The following RB1 variants were observed in gnomAD, a reference collection of about 807,000 sequenced individuals.
RB1 encodes the protein RB transcriptional corepressor 1, also known as retinoblastoma-associated protein.
In RB1, 18 loss-of-function variants were observed where a neutral mutation model predicts 135.4. The observed-to-expected ratio is 0.13, with a 90% CI of 0.09 to 0.20. The LOEUF is 0.20. Ranked by LOEUF, RB1 falls within the 10% of genes least tolerant of loss-of-function variation. The pLI is 1.00. For missense variants in RB1, 868 were observed against 1,110.0 expected, an observed-to-expected ratio of 0.78 and a Z score of 3.10; for synonymous variants, 365 against 373.2, an observed-to-expected ratio of 0.98 and a Z score of 0.25.
At chr13:48,341,902 A>G (rs189139110) in intron 2 of RB1, among the ~76,000 whole-genome samples, 2 of 152,128 alleles carry the variant, frequency 1.3e-5, no homozygotes, top group African/African-American at 4.8e-5. Context: ...ATGTAATCCA[A>G]AATTACCCAT....
intron 4 of RB1, among the ~76,000 whole-genome samples, chr13:48,346,327 TTTCCTTTG>T (rs1244317887): frequency 6.6e-6 from 1 of 151,668 alleles, no homozygotes; most frequent in Non-Finnish European, 1.5e-5. Flanking sequence ...AGAATGTTTC[TTTCCTTTG>T]GGTATTGTTT....
At chr13:48,318,205 C>T (rs1451956040) in intron 2 of RB1, 5 of 597,816 alleles carry the variant, frequency 8.4e-6, no homozygotes, top group Admixed American at 6.5e-5. Flanking sequence ...CCTGGACCCT[C>T]GCCGCTGTCT....
intron 7 of RB1, among the ~76,000 whole-genome samples, chr13:48,361,314 A>T (rs1041747019): frequency 3.3e-5 from 5 of 152,140 alleles, no homozygotes; most frequent in African/African-American, 9.7e-5. Flanking sequence ...TATTGAACTG[A>T]CTGAATATGG....
intron 11 of RB1, among the ~76,000 whole-genome samples, chr13:48,372,108 T>C (rs1952764721): frequency 6.6e-6 from 1 of 151,988 alleles, no homozygotes; most frequent in African/African-American, 2.4e-5. Context: ...GCCAAAAAGG[T>C]TGGGGACTGC....
chr13:48,378,295 T>G (rs1335735565), intron 13 of RB1, among the ~76,000 whole-genome samples: 5 of 152,200 alleles, frequency 3.3e-5, no homozygotes, highest in Non-Finnish European at 7.4e-5. Flanking sequence ...CTTATACAGC[T>G]GTACAAAAAT....
chr13:48,391,130 ATTG>A, intron 17 of RB1, among the ~76,000 whole-genome samples: 1 of 151,042 alleles, frequency 6.6e-6, no homozygotes, highest in Non-Finnish European at 1.5e-5. Flanking sequence ...TTATTTTGTA[ATTG>A]TTTTTTGATT....
At chr13:48,336,306 A>C (rs1278964266) in intron 2 of RB1, among the ~76,000 whole-genome samples, 2 of 152,154 alleles carry the variant, frequency 1.3e-5, no homozygotes, top group Non-Finnish European at 2.9e-5. Flanking sequence ...CTGTGAATTC[A>C]TCTGCTCCTG....
chr13:48,434,608 T>G (rs1290979584), intron 17 of RB1, among the ~76,000 whole-genome samples: 2 of 152,118 alleles, frequency 1.3e-5, no homozygotes, highest in Middle Eastern at 3.2e-3. Context: ...ACACCAGGCC[T>G]GTAGAGAGAC....
At chr13:48,312,540 C>T (rs1237881623) in intron 2 of RB1, among the ~76,000 whole-genome samples, 1 of 152,186 alleles carries the variant, frequency 6.6e-6, no homozygotes, top group Non-Finnish European at 1.5e-5. Flanking sequence ...TTTACACTAC[C>T]ATTTGCTTTC....
intron 3 of RB1, 25 bp downstream of exon 3, chr13:48,342,739 G>T: frequency 6.8e-7 from 1 of 1,465,724 alleles, no homozygotes; most frequent in Non-Finnish European, 9.6e-7. Context: ...ATAAATATAA[G>T]CCTCTGCCAT....
intron 2 of RB1, among the ~76,000 whole-genome samples, chr13:48,315,394 CTT>C (rs1952173082): frequency 6.6e-6 from 1 of 152,154 alleles, no homozygotes; most frequent in Non-Finnish European, 1.5e-5. Flanking sequence ...TATCCTGAAA[CTT>C]TGCTTATCAG....
intron 3 of RB1, among the ~76,000 whole-genome samples, chr13:48,344,261 A>G (rs1256438737): frequency 6.6e-6 from 1 of 152,232 alleles, no homozygotes; most frequent in East Asian, 1.9e-4. Flanking sequence ...TCCTTTTCCA[A>G]AAATAATTCA....
Position 48,477,412 on chromosome 13 carries a change from C to CT in RB1, c.2713+14dup. On this transcript the variant is annotated intron_variant, in intron 26 of 26. Coordinates refer to ENST00000267163, the MANE Select transcript of RB1 (RefSeq NM_000321.3). ...AGAAACTGGCAGAAATGAGTAAGTA[C>CT]TTTTTTCACCTTGTGTAAATGAAAT... 1 of 1,591,992 alleles carries CT rather than the reference C, an allele frequency of 6.3e-7. No homozygotes were observed. The highest frequency in any genetic ancestry group is 8.6e-7 in the Non-Finnish European group (1 of 1,160,650).
chr13:48,363,769 G>A (rs1952665897), intron 8 of RB1, among the ~76,000 whole-genome samples: 1 of 152,134 alleles, frequency 6.6e-6, no homozygotes, highest in Non-Finnish European at 1.5e-5. Flanking sequence ...GATGTTAGAA[G>A]GAATCTTACA....
rs4151627 is a variant in RB1 at position 48,478,233 on chromosome 13, C to A, written c.2713+829C>A. Among the ~76,000 whole-genome samples, 960 of 152,206 alleles carry A rather than the reference C, an allele frequency of 6.3e-3. 12 individuals carry two copies. The highest frequency in any genetic ancestry group is 0.022 in the African/African-American group (914 of 41,536). On this transcript the variant is annotated intron_variant, in intron 26 of 26. Transcript: ENST00000267163. ...AATACCAATTAAAATGAGAGGCTTT[C>A]TTTTAATACATCTTTGTAGATACTA...
intron 2 of RB1, chr13:48,320,275 C>A (rs1434017662): frequency 1.7e-6 from 2 of 1,196,042 alleles, no homozygotes; most frequent in African/African-American, 3.0e-5. Flanking sequence ...CTGTGCAGCG[C>A]GCTCATCGGT....
In RB1 at chr13:48,385,735, A is replaced by G. The variant is rs1948566525; in HGVS notation, c.1695+4292A>G. 2.6e-5 allele frequency among the ~76,000 whole-genome samples: 4 copies of G among 152,224 alleles called. No individual in the cohort carries two copies. The South Asian group carries it at 8.3e-4, about 31-fold the overall frequency. On this transcript the variant is annotated intron_variant, in intron 17 of 26. Coordinates refer to ENST00000267163, the MANE Select transcript of RB1 (RefSeq NM_000321.3). ...GAACTGAAACTGGAGTTGCTGCCCA[A>G]TAAACAGAACAGTTCAAGTTAAGCA...
intron 2 of RB1, among the ~76,000 whole-genome samples, chr13:48,340,406 A>C (rs1326123710): frequency 6.6e-6 from 1 of 152,200 alleles, no homozygotes; most frequent in African/African-American, 2.4e-5. Flanking sequence ...CAGGTCCTTA[A>C]AAATCAGAAC....
At chr13:48,311,952 C>T (rs1424172071) in intron 2 of RB1, among the ~76,000 whole-genome samples, 3 of 152,204 alleles carry the variant, frequency 2.0e-5, no homozygotes, top group Non-Finnish European at 2.9e-5. Context: ...GATCTGCCCT[C>T]GGCCTCCCAA....
Sources: allele counts gnomAD v4.1 joint callset (sites outside exome capture counted in the v4.1 genomes callset), GRCh38; gene constraint gnomAD v4.1.1; transcripts MANE v1.5; gene names NCBI Gene and HGNC (gene_info 2026-07-23, HGNC 2026-07-21).